SLC14A2: variants seen among roughly 807,000 people sequenced by gnomAD.
SLC14A2 encodes the protein urea transporter 2.
In SLC14A2, 91 loss-of-function variants were observed where a neutral mutation model predicts 104.6. The ratio of observed to expected loss-of-function variants is 0.87; its 90% CI spans 0.73 to 1.04. SLC14A2 has a LOEUF of 1.04. Ranked by LOEUF, SLC14A2 falls within the 50% of genes least tolerant of loss-of-function variation. SLC14A2 has a pLI of 0.00. For synonymous variants in SLC14A2, 476 were observed against 466.4 expected (o/e 1.02, Z -0.27); for missense variants, 1,189 against 1,156.0 (o/e 1.03, Z -0.41).
chr18:45,652,984 G>A (rs2045766759), intron 10 of SLC14A2, among the ~76,000 whole-genome samples: 1 of 151,982 alleles, frequency 6.6e-6, no homozygotes, highest in Non-Finnish European at 1.5e-5. Flanking sequence ...TCCCTGTTAT[G>A]TCTGGAATAG....
chr18:45,678,657 A>G (rs2046264597), intron 18 of SLC14A2, among the ~76,000 whole-genome samples: 1 of 152,256 alleles, frequency 6.6e-6, no homozygotes, highest in South Asian at 2.1e-4. Flanking sequence ...TTTGCCGTAT[A>G]GTAAAATTTT....
In SLC14A2 at chr18:45,281,566, G is replaced by T. The variant is rs73427936; in HGVS notation, c.-125+68375G>T. Among the ~76,000 whole-genome samples the T allele has an allele frequency of 9.9e-3, 1,502 of 152,238 alleles. 24 individuals carry two copies. The highest frequency in any genetic ancestry group is 0.078 in the East Asian group (405 of 5,180). On this transcript the variant is annotated intron_variant, in intron 1 of 20. Transcript: ENST00000586448. ...CTTTCCAATCCAAATTTCATTTTCTGACTCTGTCAGTTGAAATATGTTGAG... is the reference window on the plus strand; with the variant it reads ...CTTTCCAATCCAAATTTCATTTTCTTACTCTGTCAGTTGAAATATGTTGAG...
chr18:45,330,602 C>T (rs1203301763), intron 1 of SLC14A2, among the ~76,000 whole-genome samples: 2 of 152,208 alleles, frequency 1.3e-5, no homozygotes, highest in African/African-American at 2.4e-5. Context: ...GGAATATGGA[C>T]TTCATGAGTT....
Position 45,416,175 on chromosome 18 carries a change from AT to A in SLC14A2, c.-124-67051del, listed in dbSNP as rs1055040072. 4.9e-5 allele frequency among the ~76,000 whole-genome samples: 7 copies of A among 143,150 alleles called. 1 individual carries two copies. The highest frequency in any genetic ancestry group is 4.2e-4 in the East Asian group (2 of 4,788). 93.9% of individuals were successfully genotyped at this position (143,150 alleles called of 152,430 possible). ...CTATTATCTTAGAATTCATTTGCCT[AT>A]TTTTTTCTTTTTTTAAGGCAGCACT... On this transcript the variant is annotated intron_variant, in intron 1 of 20. Coordinates refer to the SLC14A2 transcript ENST00000586448.
intron 1 of SLC14A2, among the ~76,000 whole-genome samples, chr18:45,274,139 A>G (rs1479419578): frequency 1.3e-5 from 2 of 151,946 alleles, no homozygotes; most frequent in Admixed American, 1.3e-4. Context: ...GACACCCACA[A>G]CTCTGAGATC....
chr18:45,221,575 G>A (rs1314527910), intron 1 of SLC14A2, among the ~76,000 whole-genome samples: 1 of 152,160 alleles, frequency 6.6e-6, no homozygotes, highest in Non-Finnish European at 1.5e-5. Context: ...GGGATGGGAG[G>A]AGGAGGTGTT....
chr18:45,666,252 G>T (rs765774542), intron 12 of SLC14A2, 33 bp downstream of exon 12: 5 of 1,453,044 alleles, frequency 3.4e-6, no homozygotes, highest in Non-Finnish European at 4.8e-6. Context: ...CAGGGACAGC[G>T]CCCTACAGTC....
intron 1 of SLC14A2, among the ~76,000 whole-genome samples, chr18:45,431,072 C>T (rs1300551250): frequency 1.3e-5 from 2 of 152,008 alleles, no homozygotes; most frequent in Non-Finnish European, 2.9e-5. Context: ...AGATCATTTA[C>T]CTTTTATTTG....
chr18:45,483,652 T>G (rs932698049), intron 2 of SLC14A2, among the ~76,000 whole-genome samples: 7 of 152,154 alleles, frequency 4.6e-5, no homozygotes, highest in African/African-American at 1.7e-4. Context: ...GGAGAGGGAA[T>G]GGGTGAGAGA....
At chr18:45,430,221 C>A (rs1456945540) in intron 1 of SLC14A2, among the ~76,000 whole-genome samples, 2 of 152,198 alleles carry the variant, frequency 1.3e-5, no homozygotes, top group Non-Finnish European at 2.9e-5. Flanking sequence ...AGTTAGGTAG[C>A]TTTCCCCAAA....
chr18:45,371,109 T>C (rs1427263821), intron 1 of SLC14A2, among the ~76,000 whole-genome samples: 1 of 152,234 alleles, frequency 6.6e-6, no homozygotes, highest in East Asian at 1.9e-4. Flanking sequence ...CCTGGCTTGG[T>C]GGTACAGATA....
At chr18:45,276,067 A>G (rs1469419896) in intron 1 of SLC14A2, among the ~76,000 whole-genome samples, 1 of 152,236 alleles carries the variant, frequency 6.6e-6, no homozygotes, top group Non-Finnish European at 1.5e-5. Context: ...GACAGCTGCA[A>G]CAGCAAGTGC....
intron 5 of SLC14A2, among the ~76,000 whole-genome samples, chr18:45,632,701 A>G (rs533466164): frequency 6.6e-6 from 1 of 152,256 alleles, no homozygotes; most frequent in African/African-American, 2.4e-5. Context: ...TGTTTGACAC[A>G]GAGTCTTGCT....
intron 2 of SLC14A2, among the ~76,000 whole-genome samples, chr18:45,508,626 C>T (rs1236314293): frequency 2.0e-5 from 3 of 152,176 alleles, no homozygotes; most frequent in African/African-American, 7.2e-5. Flanking sequence ...CTTTTCTTTG[C>T]TTGCCAGCCT....
At chr18:45,603,283 CT>C (rs1321840146) in intron 2 of SLC14A2, among the ~76,000 whole-genome samples, 1 of 152,046 alleles carries the variant, frequency 6.6e-6, no homozygotes, top group Non-Finnish European at 1.5e-5. Flanking sequence ...TCTATTCTTT[CT>C]AGAAATTTGC....
intron 2 of SLC14A2, among the ~76,000 whole-genome samples, chr18:45,522,534 T>A (rs990980966): frequency 5.9e-5 from 9 of 152,034 alleles, no homozygotes; most frequent in Admixed American, 2.6e-4. Context: ...CTACCCAGAA[T>A]GGAAATGCCA....
At chr18:45,286,730 G>GTGTGTGTC (rs1461885473) in intron 1 of SLC14A2, among the ~76,000 whole-genome samples, 1 of 152,084 alleles carries the variant, frequency 6.6e-6, no homozygotes, top group African/African-American at 2.4e-5. Context: ...GTGTGTGTGT[G>GTGTGTGTC]TGTGTGTCTG....
At chr18:45,490,795 A>C (rs1187214744) in intron 2 of SLC14A2, among the ~76,000 whole-genome samples, 1 of 152,206 alleles carries the variant, frequency 6.6e-6, no homozygotes, top group Non-Finnish European at 1.5e-5. Flanking sequence ...CAAACAGCCC[A>C]ACAGAAAAAC....
chr18:45,616,242 GCA>G (rs1349700121), intron 1 of SLC14A2, among the ~76,000 whole-genome samples: 3 of 152,144 alleles, frequency 2.0e-5, no homozygotes, highest in Admixed American at 1.3e-4. Flanking sequence ...TAATAGGTGG[GCA>G]CAGCCTGAAG....
Sources: gnomAD v4.1 joint callset for allele counts (sites outside exome capture counted in the v4.1 genomes callset) on GRCh38, gnomAD v4.1.1 for gene constraint, MANE v1.5 for transcripts, NCBI Gene and HGNC (gene_info 2026-07-23, HGNC 2026-07-21) for gene names.